The following PRKAR2B variants were observed in gnomAD, a reference collection of about 807,000 sequenced individuals.
PRKAR2B encodes the protein cAMP-dependent protein kinase type II-beta regulatory subunit.
In PRKAR2B, 14 loss-of-function variants were observed where a neutral mutation model predicts 49.9. That is an observed-to-expected ratio of 0.28 (90% CI 0.19 to 0.44). The LOEUF is 0.44. Ranked by LOEUF, PRKAR2B falls within the 20% of genes least tolerant of loss-of-function variation. The pLI is 1.00. For missense variants in PRKAR2B, 393 were observed against 537.9 expected (o/e 0.73, Z 2.67); for synonymous variants, 196 against 197.7 (o/e 0.99, Z 0.07).
chr7:107,130,617 G>T (rs1279458951), intron 4 of PRKAR2B, among the ~76,000 whole-genome samples: 1 of 152,138 alleles, frequency 6.6e-6, no homozygotes, highest in Admixed American at 6.5e-5. Flanking sequence ...ATAGATCCTT[G>T]TCCATTCAAG....
At chr7:107,142,452 G>A (rs1056455430) in intron 5 of PRKAR2B, among the ~76,000 whole-genome samples, 64 of 152,188 alleles carry the variant, frequency 4.2e-4, no homozygotes, top group Non-Finnish European at 4.4e-5. Context: ...TTTAATTGTA[G>A]AGGTGTATGA....
intron 1 of PRKAR2B, among the ~76,000 whole-genome samples, chr7:107,048,173 A>G (rs1002006865): frequency 2.0e-5 from 3 of 152,186 alleles, no homozygotes; most frequent in African/African-American, 7.2e-5. Context: ...GGCTGGGGCT[A>G]GCATAACCTG....
At chr7:107,075,394 C>G (rs570905179) in intron 2 of PRKAR2B, among the ~76,000 whole-genome samples, 12 of 151,132 alleles carry the variant, frequency 7.9e-5, no homozygotes, top group Non-Finnish European at 1.5e-4. Flanking sequence ...AGCCACCACA[C>G]CTGGCAATTT....
chr7:107,132,893 T>C (rs921851213), intron 4 of PRKAR2B, among the ~76,000 whole-genome samples: 1 of 152,198 alleles, frequency 6.6e-6, no homozygotes, highest in African/African-American at 2.4e-5. Flanking sequence ...TTATAATTAT[T>C]AATCTCTTTG....
intron 4 of PRKAR2B, among the ~76,000 whole-genome samples, chr7:107,137,177 C>T (rs1267651364): frequency 6.6e-6 from 1 of 152,188 alleles, no homozygotes; most frequent in Non-Finnish European, 1.5e-5. Flanking sequence ...GCCAAAACCT[C>T]CATGAAACTT....
At chr7:107,109,463 A>G (rs1043570104) in intron 2 of PRKAR2B, among the ~76,000 whole-genome samples, 20 of 147,116 alleles carry the variant, frequency 1.4e-4, no homozygotes, top group Admixed American at 6.1e-4. Context: ...AGGTCTCACT[A>G]TGTTGCCTAG....
intron 2 of PRKAR2B, among the ~76,000 whole-genome samples, chr7:107,099,524 G>C (rs1385850501): frequency 6.6e-6 from 1 of 152,174 alleles, no homozygotes; most frequent in African/African-American, 2.4e-5. Flanking sequence ...ACAAGCCCAA[G>C]TGAGTTGAAC....
chr7:107,062,759 A>G (rs1794050868), intron 1 of PRKAR2B, among the ~76,000 whole-genome samples: 1 of 151,926 alleles, frequency 6.6e-6, no homozygotes, highest in South Asian at 2.1e-4. Context: ...TCCACATTTT[A>G]TTGAGAAATG....
intron 2 of PRKAR2B, among the ~76,000 whole-genome samples, chr7:107,093,974 G>T (rs571002389): frequency 1.3e-5 from 2 of 152,066 alleles, no homozygotes; most frequent in Non-Finnish European, 2.9e-5. Context: ...ATAAACATAC[G>T]TGTGCATGTG....
chr7:107,116,953 GTGTA>G (rs777189146), intron 2 of PRKAR2B, among the ~76,000 whole-genome samples: 2 of 144,402 alleles, frequency 1.4e-5, no homozygotes, highest in African/African-American at 5.3e-5. Flanking sequence ...GTGTGTGTGT[GTGTA>G]TATATATATA....
At chr7:107,147,299 G>A (rs1035468757) in intron 6 of PRKAR2B, among the ~76,000 whole-genome samples, 18 of 152,192 alleles carry the variant, frequency 1.2e-4, no homozygotes, top group Non-Finnish European at 2.6e-4. Context: ...GCGACAGAGC[G>A]AGACTCTGTC....
At chr7:107,155,063 A>G (rs1222012613) in intron 8 of PRKAR2B, among the ~76,000 whole-genome samples, 2 of 151,764 alleles carry the variant, frequency 1.3e-5, no homozygotes, top group East Asian at 3.8e-4. Flanking sequence ...CGCAGGGTGC[A>G]TGTCTCGGCA....
chr7:107,063,407 T>C (rs1794065752), intron 1 of PRKAR2B, among the ~76,000 whole-genome samples: 1 of 152,192 alleles, frequency 6.6e-6, no homozygotes, highest in African/African-American at 2.4e-5. Context: ...GCCTTGGGGA[T>C]ACAGTAATGA....
chr7:107,118,323 T>C (rs1175750805), intron 2 of PRKAR2B, among the ~76,000 whole-genome samples: 1 of 152,110 alleles, frequency 6.6e-6, no homozygotes, highest in Non-Finnish European at 1.5e-5. Flanking sequence ...CATTCATTCA[T>C]TCATTCATTC....
chr7:107,103,777 GA>G (rs1301541315), intron 2 of PRKAR2B, among the ~76,000 whole-genome samples: 1 of 152,214 alleles, frequency 6.6e-6, no homozygotes, highest in Non-Finnish European at 1.5e-5. Flanking sequence ...GCTGTTTAAA[GA>G]AGTAAGCCAG....
chr7:107,057,341 C>T (rs1045786552), intron 1 of PRKAR2B, among the ~76,000 whole-genome samples: 8 of 152,118 alleles, frequency 5.3e-5, no homozygotes, highest in African/African-American at 1.9e-4. Context: ...CAGTTCTTCT[C>T]TCCTGTACTG....
chr7:107,095,539 A>G (rs1052290508), intron 2 of PRKAR2B, among the ~76,000 whole-genome samples: 23 of 152,182 alleles, frequency 1.5e-4, no homozygotes, highest in African/African-American at 5.3e-4. Context: ...CCAACACTAT[A>G]TTGAATAGGA....
chr7:107,115,439 G>C (rs6960371), intron 2 of PRKAR2B, among the ~76,000 whole-genome samples: 1 of 152,178 alleles, frequency 6.6e-6, no homozygotes, highest in Non-Finnish European at 1.5e-5. Flanking sequence ...CTGAAATGTA[G>C]CCTGTAACCG....
chr7:107,057,955 T>G (rs1360236098), intron 1 of PRKAR2B, among the ~76,000 whole-genome samples: 1 of 152,170 alleles, frequency 6.6e-6, no homozygotes, highest in Non-Finnish European at 1.5e-5. Context: ...TCTTTAAATC[T>G]TTTAGTTAAG....
Sources: allele counts gnomAD v4.1 joint callset (sites outside exome capture counted in the v4.1 genomes callset), GRCh38; gene constraint gnomAD v4.1.1; transcripts MANE v1.5; gene names NCBI Gene and HGNC (gene_info 2026-07-23, HGNC 2026-07-21).